The following NDUFB6 variants were observed in gnomAD, a reference collection of about 807,000 sequenced individuals.
The protein encoded by NDUFB6 is NADH:ubiquinone oxidoreductase subunit B6, also known as NADH dehydrogenase [ubiquinone] 1 beta subcomplex subunit 6.
Under a neutral mutation model 17.5 loss-of-function variants are expected in NDUFB6, and 23 were observed. The ratio of observed to expected loss-of-function variants is 1.31; its 90% CI spans 0.94 to 1.86. The LOEUF (loss-of-function observed/expected upper bound fraction) is 1.86. Ranked by LOEUF, NDUFB6 falls within the 40% of genes most tolerant of loss-of-function variation. The pLI, the probability that NDUFB6 is intolerant of heterozygous loss-of-function variation, is 0.00. For missense variants in NDUFB6, 167 were observed against 153.8 expected (o/e 1.09, Z -0.46); for synonymous variants, 60 against 53.5 (o/e 1.12, Z -0.53).
chr9:32,573,157 A>G lies in NDUFB6; in HGVS notation c.-97T>C, dbSNP rs1446831874. 1 of 1,312,424 alleles carries G rather than the reference A, an allele frequency of 7.6e-7. No individual in the cohort carries two copies. Among genetic ancestry groups the G allele is most frequent in the East Asian group, 2.7e-5 (1 of 36,740 alleles). 81.3% of individuals were successfully genotyped at this position (1,312,424 alleles called of 1,614,324 possible). On this transcript the variant is annotated 5_prime_UTR_variant, in exon 1 of 4. Transcript: ENST00000379847. The stretch of plus-strand genomic sequence containing the variant: ...CCGCTCTGCAAAGCGACCTTGCGGG[A>G]ACGCCGAGCGCCGCGCGCGGTTATT...
intron 2 of NDUFB6, chr9:32,567,798 AC>A (rs1821842091): frequency 1.1e-5 from 3 of 273,880 alleles, no homozygotes; most frequent in Middle Eastern, 1.3e-3. Flanking sequence ...GCCATTCCCC[AC>A]CTCTCTCCCT....
chr9:32,556,224 A>T (rs2118999938), intron 3 of NDUFB6, among the ~76,000 whole-genome samples: 1 of 152,326 alleles, frequency 6.6e-6, no homozygotes, highest in East Asian at 1.9e-4. Flanking sequence ...AACTCCATGA[A>T]CAGGGGTCTG....
chr9:32,566,590 G>A (rs1209178265), intron 2 of NDUFB6: 6 of 784,312 alleles, frequency 7.7e-6, no homozygotes, highest in South Asian at 5.4e-5. Flanking sequence ...CACATGGAGC[G>A]GAGGACCCGC....
intron 3 of NDUFB6, among the ~76,000 whole-genome samples, chr9:32,558,471 G>A (rs1239834081): frequency 6.6e-6 from 1 of 152,142 alleles, no homozygotes; most frequent in East Asian, 1.9e-4. Flanking sequence ...GAGAACTTAA[G>A]GTCAAATCTT....
intron 2 of NDUFB6, among the ~76,000 whole-genome samples, chr9:32,569,871 TAC>T (rs1048615268): frequency 6.7e-6 from 1 of 149,596 alleles, no homozygotes; most frequent in Non-Finnish European, 1.5e-5. Flanking sequence ...ACACTGCTAT[TAC>T]ACACTTATAC....
chr9:32,555,380 T>G (rs779343820), intron 3 of NDUFB6, among the ~76,000 whole-genome samples: 3 of 152,220 alleles, frequency 2.0e-5, no homozygotes, highest in Admixed American at 2.0e-4. Flanking sequence ...CACAGCCCTA[T>G]GGCAAAGATC....
rs1403579149 is a variant in NDUFB6 at position 32,553,045 on chromosome 9, C to G, written c.*831G>C. On this transcript the variant is annotated 3_prime_UTR_variant, in exon 4 of 4. Coordinates refer to ENST00000379847, the MANE Select transcript of NDUFB6 (RefSeq NM_002493.5). ...TTTGCATTATCCTTTATAACAAGCA[C>G]TAGTATGCAAATTTTTCACTTAGAG... 3.7e-6 allele frequency: 2 copies of G among 538,964 alleles called. No homozygotes were observed. The highest frequency in any genetic ancestry group is 6.6e-6 in the Non-Finnish European group (2 of 304,920). 33.4% of individuals were successfully genotyped at this position (538,964 alleles called of 1,614,324 possible).
intron 2 of NDUFB6, 56 bp from the exon 3 acceptor site, chr9:32,559,010 TAAGA>T (rs1821554274): frequency 5.4e-6 from 7 of 1,307,380 alleles, no homozygotes; most frequent in South Asian, 1.3e-5. Context: ...CTTCTGAAAA[TAAGA>T]AATAGGTCAT....
chr9:32,570,381 CA>C (rs1821911948), intron 2 of NDUFB6, among the ~76,000 whole-genome samples: 1 of 152,284 alleles, frequency 6.6e-6, no homozygotes, highest in African/African-American at 2.4e-5. Context: ...CGCCACTTCC[CA>C]AAATGCATGC....
chr9:32,567,106 A>C (rs1434845015), intron 2 of NDUFB6: 2 of 483,308 alleles, frequency 4.1e-6, no homozygotes, highest in Non-Finnish European at 8.5e-6. Flanking sequence ...GCAGCTTCAC[A>C]GTCTTGTGCT....
intron 3 of NDUFB6, among the ~76,000 whole-genome samples, chr9:32,558,117 A>ATTT (rs74178816): frequency 7.4e-6 from 1 of 135,230 alleles, no homozygotes; most frequent in African/African-American, 2.7e-5. Context: ...CATAGTATAC[A>ATTT]TTTTTTTTTT....
chr9:32,555,095 C>CA (rs11391859), intron 3 of NDUFB6, among the ~76,000 whole-genome samples: 28,299 of 138,368 alleles, frequency 0.2, 2,950 homozygotes, highest in Non-Finnish European at 0.26. Context: ...TGTTCCTGAC[C>CA]AAAAAAAAAA....
rs1028360480 is a variant in NDUFB6 at position 32,570,432 on chromosome 9, C to A, written c.273+528G>T. On this transcript the variant is annotated intron_variant, in intron 2 of 3. Transcript: ENST00000379847. ...CTGGGATCCAACACCCTGCACCAGACCAAGCCTTTAAAATACCACAACTGG... is the reference window on the plus strand; with the variant it reads ...CTGGGATCCAACACCCTGCACCAGAACAAGCCTTTAAAATACCACAACTGG... Among the ~76,000 whole-genome samples the A allele has an allele frequency of 1.2e-4, 18 of 152,282 alleles. 1 individual carries two copies. Among genetic ancestry groups the A allele is most frequent in the Admixed American group, 9.8e-4 (15 of 15,298 alleles).
At chr9:32,564,670 T>C (rs971618985) in intron 2 of NDUFB6, among the ~76,000 whole-genome samples, 5 of 152,100 alleles carry the variant, frequency 3.3e-5, no homozygotes, top group Admixed American at 2.0e-4. Flanking sequence ...AGCGTTTCCT[T>C]CCAGATTGTC....
chr9:32,556,335 A>T (rs1051802220), intron 3 of NDUFB6, among the ~76,000 whole-genome samples: 1 of 152,200 alleles, frequency 6.6e-6, no homozygotes, highest in South Asian at 2.1e-4. Context: ...CTAAGCTTAG[A>T]TCCTAAAAAT....
rs10703297 is a variant in NDUFB6, at chr9:32,556,846, C to CTTTT, written c.318+2060_318+2063dup. ...ATAAAACAAAAGGAGAAATCCCCTACTTTTTTTTTTTTTTTTTTTTTTTTT... is the reference window on the plus strand; with the variant it reads ...ATAAAACAAAAGGAGAAATCCCCTACTTTTTTTTTTTTTTTTTTTTTTTTTTTTT... On this transcript the variant is annotated intron_variant, in intron 3 of 3. Coordinates refer to ENST00000379847, the MANE Select transcript of NDUFB6 (RefSeq NM_002493.5). Among the ~76,000 whole-genome samples the CTTTT allele has an allele frequency of 2.8e-4, 23 of 82,338 alleles. 2 individuals carry two copies. The highest frequency in any genetic ancestry group is 6.0e-4 in the African/African-American group (13 of 21,502). The allele number at this position is 82,338 out of a possible 152,430, so 54.0% of individuals were successfully genotyped here. A position where few individuals can be genotyped will look rare whatever the true frequency, so the allele number is the denominator to read the frequency against.
intron 3 of NDUFB6, 63 bp from the exon 4 acceptor site, chr9:32,554,007 CT>C: frequency 9.4e-7 from 1 of 1,067,054 alleles, no homozygotes; most frequent in Non-Finnish European, 1.4e-6. Context: ...TAGTTCTATT[CT>C]GTTCTATGTT....
At position 32,573,038 on chromosome 9, in the gene NDUFB6, T is replaced by G. The variant is rs748281084; in HGVS notation, c.23A>C (p.Glu8Ala). Residue 8 changes from glutamate (E) to alanine (A), a missense_variant, in exon 1 of 4, where the codon GAG (glutamate) becomes GCG (alanine). Transcript: ENST00000379847. MTGYTPD[E>A]KLRLQQLREL... is the part of the protein sequence containing the mutation. Reference sequence around the variant, plus strand: ...TCGCAGCTGCTGCAGCCGCAGTTTCTCATCCGGAGTGTACCCCGTCATGTC... The same window carrying G: ...TCGCAGCTGCTGCAGCCGCAGTTTCGCATCCGGAGTGTACCCCGTCATGTC... 6.3e-7 allele frequency: 1 copy of G among 1,594,310 alleles called. No individual in the cohort carries two copies. The highest frequency in any genetic ancestry group is 1.1e-5 in the South Asian group (1 of 89,646).
intron 2 of NDUFB6, chr9:32,567,200 C>T (rs984897920): frequency 2.1e-6 from 1 of 474,814 alleles, no homozygotes; most frequent in South Asian, 1.5e-5. Context: ...CTGGTCCAGG[C>T]CCCAGTCACA....
Sources: gnomAD v4.1 joint callset for allele counts (sites outside exome capture counted in the v4.1 genomes callset) on GRCh38, gnomAD v4.1.1 for gene constraint, MANE v1.5 for transcripts, NCBI Gene and HGNC (gene_info 2026-07-23, HGNC 2026-07-21) for gene names.